CSMD1: variants seen among roughly 807,000 people sequenced by gnomAD.
The protein encoded by CSMD1 is CUB and sushi domain-containing protein 1.
In CSMD1, 213 loss-of-function variants were observed where a neutral mutation model predicts 417.5. The ratio of observed to expected loss-of-function variants is 0.51; its 90% CI spans 0.46 to 0.57. The LOEUF (loss-of-function observed/expected upper bound fraction) is 0.57. Among genes scored for constraint, CSMD1 ranks in the 20% least tolerant of loss-of-function variants. The probability of loss-of-function intolerance (pLI) is 0.00; values close to 1 mark genes in which losing one functional copy is unlikely to be tolerated. For synonymous variants in CSMD1, 2,862 were observed against 1,736.8 expected, an observed-to-expected ratio of 1.65 and a Z score of -16.11; for missense variants, 6,923 against 4,529.7, an observed-to-expected ratio of 1.53 and a Z score of -15.17.
At chr8:3,123,464 A>G (rs953905985) in intron 41 of CSMD1, among the ~76,000 whole-genome samples, 5 of 152,250 alleles carry the variant, frequency 3.3e-5, no homozygotes, top group African/African-American at 1.2e-4. Flanking sequence ...AGTTTCAACT[A>G]TCAACACATT....
chr8:3,083,615 T>TATAG, intron 49 of CSMD1, among the ~76,000 whole-genome samples: 1 of 13,530 alleles, frequency 7.4e-5, no homozygotes, highest in Non-Finnish European at 1.3e-4. Context: ...AATTTTTATA[T>TATAG]ATATATATAT....
intron 2 of CSMD1, among the ~76,000 whole-genome samples, chr8:4,567,116 T>C (rs1317322433): frequency 6.6e-6 from 1 of 152,152 alleles, no homozygotes; most frequent in African/African-American, 2.4e-5. Context: ...GCTTTGAAAA[T>C]AAATCACAGC....
chr8:4,002,130 C>G (rs777521511), intron 4 of CSMD1, among the ~76,000 whole-genome samples: 1 of 152,064 alleles, frequency 6.6e-6, no homozygotes, highest in East Asian at 1.9e-4. Context: ...CTTCATGGTA[C>G]TCATGGGATA....
chr8:3,900,533 G>T (rs758918981), intron 5 of CSMD1, among the ~76,000 whole-genome samples: 2 of 140,910 alleles, frequency 1.4e-5, no homozygotes, highest in Non-Finnish European at 2.9e-5. Flanking sequence ...ACAGCTGGGT[G>T]ACAGTGAAGC....
chr8:4,845,836 C>A (rs915494681), intron 1 of CSMD1, among the ~76,000 whole-genome samples: 4 of 152,172 alleles, frequency 2.6e-5, no homozygotes, highest in East Asian at 1.9e-4. Flanking sequence ...AATTTACATA[C>A]GATTTGTAGC....
chr8:4,161,737 T>C (rs1797182691), intron 3 of CSMD1, among the ~76,000 whole-genome samples: 1 of 152,238 alleles, frequency 6.6e-6, no homozygotes, highest in Non-Finnish European at 1.5e-5. Flanking sequence ...CATCATTTTT[T>C]ACTGATTCTG....
chr8:3,159,772 G>C (rs1158288035), intron 38 of CSMD1, among the ~76,000 whole-genome samples: 1 of 152,208 alleles, frequency 6.6e-6, no homozygotes, highest in Non-Finnish European at 1.5e-5. Flanking sequence ...CTGTGCAGAA[G>C]TGCATCCACA....
intron 7 of CSMD1, among the ~76,000 whole-genome samples, chr8:3,691,026 A>G (rs911972424): frequency 6.6e-6 from 1 of 152,062 alleles, no homozygotes; most frequent in African/African-American, 2.4e-5. Context: ...CCCTGGTACT[A>G]AAGTATCTTT....
intron 5 of CSMD1, among the ~76,000 whole-genome samples, chr8:3,793,003 A>G (rs1281991060): frequency 6.6e-6 from 1 of 152,148 alleles, no homozygotes; most frequent in African/African-American, 2.4e-5. Context: ...ACAGGTGTGA[A>G]TTTCCTCACT....
intron 2 of CSMD1, among the ~76,000 whole-genome samples, chr8:4,597,619 C>G (rs1563321352): frequency 6.6e-6 from 1 of 151,738 alleles, no homozygotes; most frequent in African/African-American, 2.4e-5. Flanking sequence ...TATTTAAGAC[C>G]AAAATTATGT....
At chr8:4,125,053 T>G (rs1419854693) in intron 3 of CSMD1, among the ~76,000 whole-genome samples, 2 of 152,030 alleles carry the variant, frequency 1.3e-5, no homozygotes, top group Non-Finnish European at 2.9e-5. Context: ...CTAATTCAGC[T>G]GTAACACTCG....
At chr8:4,897,190 A>G (rs1416928147) in intron 1 of CSMD1, among the ~76,000 whole-genome samples, 1 of 152,120 alleles carries the variant, frequency 6.6e-6, no homozygotes, top group Non-Finnish European at 1.5e-5. Context: ...GTGCAATGTC[A>G]GGGGAGGTAG....
chr8:4,500,512 G>A (rs1019690400), intron 2 of CSMD1, among the ~76,000 whole-genome samples: 4 of 152,140 alleles, frequency 2.6e-5, no homozygotes, highest in Admixed American at 2.6e-4. Flanking sequence ...GTAAATTGAA[G>A]CATTTAAGAT....
intron 7 of CSMD1, among the ~76,000 whole-genome samples, chr8:3,657,914 C>G (rs925073986): frequency 1.3e-5 from 2 of 152,080 alleles, no homozygotes; most frequent in African/African-American, 4.8e-5. Flanking sequence ...GCAAATTTTT[C>G]TTTTTCCTTT....
rs140770505 is a variant in CSMD1 at position 3,192,110 on chromosome 8, G to A, written c.5195-1995C>T. Among the ~76,000 whole-genome samples the A allele has an allele frequency of 2.0e-3, 303 of 152,260 alleles. 1 individual carries two copies. The highest frequency in any genetic ancestry group is 7.0e-3 in the African/African-American group (291 of 41,560). On this transcript the variant is annotated intron_variant, in intron 33 of 69. Coordinates refer to ENST00000635120, the MANE Select transcript of CSMD1 (RefSeq NM_033225.6). ...AATTGGCAGATTATTTTGATTAAACGATGTTTCAATTTGGTGTTGAGATAT... is the reference window on the plus strand; with the variant it reads ...AATTGGCAGATTATTTTGATTAAACAATGTTTCAATTTGGTGTTGAGATAT...
intron 2 of CSMD1, among the ~76,000 whole-genome samples, chr8:4,635,563 T>C (rs1802770433): frequency 6.6e-6 from 1 of 152,140 alleles, no homozygotes; most frequent in Non-Finnish European, 1.5e-5. Flanking sequence ...TAACAAGCAT[T>C]TTTTAATGGA....
At chr8:4,342,804 G>T (rs966995134) in intron 3 of CSMD1, among the ~76,000 whole-genome samples, 4 of 151,948 alleles carry the variant, frequency 2.6e-5, no homozygotes, top group East Asian at 1.9e-4. Flanking sequence ...AAGGTGGTTC[G>T]TTCCTGCCAC....
intron 3 of CSMD1, among the ~76,000 whole-genome samples, chr8:4,168,903 G>A (rs144670430): frequency 1.3e-5 from 2 of 152,006 alleles, no homozygotes; most frequent in African/African-American, 2.4e-5. Context: ...TTATCCAACC[G>A]CCAGTGCCAG....
At chr8:4,863,190 CA>C (rs1207369852) in intron 1 of CSMD1, among the ~76,000 whole-genome samples, 7 of 152,086 alleles carry the variant, frequency 4.6e-5, no homozygotes, top group African/African-American at 1.7e-4. Flanking sequence ...CATTTCTCTT[CA>C]CCTCAGTTTT....
Sources: allele counts gnomAD v4.1 joint callset (sites outside exome capture counted in the v4.1 genomes callset), GRCh38; gene constraint gnomAD v4.1.1; transcripts MANE v1.5; gene names NCBI Gene and HGNC (gene_info 2026-07-23, HGNC 2026-07-21).